The following RABGAP1 variants were observed in gnomAD, a reference collection of about 807,000 sequenced individuals.
RABGAP1 encodes the protein RAB GTPase activating protein 1, also known as rab GTPase-activating protein 1.
RABGAP1 carries 23 observed loss-of-function variants against 137.6 expected under a neutral mutation model. The observed-to-expected ratio is 0.17, with a 90% confidence interval of 0.12 to 0.24. The LOEUF (loss-of-function observed/expected upper bound fraction) is 0.24. Among genes scored for constraint, RABGAP1 ranks in the 10% least tolerant of loss-of-function variants. The probability of loss-of-function intolerance (pLI) is 1.00; values close to 1 mark genes in which losing one functional copy is unlikely to be tolerated. For missense variants in RABGAP1, 906 were observed against 1,275.8 expected, an observed-to-expected ratio of 0.71 and a Z score of 4.42; for synonymous variants, 451 against 450.7, an observed-to-expected ratio of 1.00 and a Z score of -0.01.
intron 1 of RABGAP1, among the ~76,000 whole-genome samples, chr9:122,950,536 C>A (rs757097771): frequency 2.0e-5 from 3 of 151,484 alleles, no homozygotes; most frequent in Non-Finnish European, 2.9e-5. Flanking sequence ...ATAGTAGAGC[C>A]CTGCTGTGTA....
At chr9:123,080,778 GT>G (rs1402213550) in intron 19 of RABGAP1, among the ~76,000 whole-genome samples, 10 of 152,104 alleles carry the variant, frequency 6.6e-5, no homozygotes, top group Non-Finnish European at 7.4e-5. Flanking sequence ...ATTTACAAAG[GT>G]AACTTTTGCT....
At chr9:122,997,060 A>G (rs1837059393) in intron 8 of RABGAP1, 199 bp from the exon 9 acceptor site, 9 of 585,756 alleles carry the variant, frequency 1.5e-5, no homozygotes, top group Middle Eastern at 2.6e-4. Flanking sequence ...TGATATTCGT[A>G]AGCATATACA....
intron 6 of RABGAP1, among the ~76,000 whole-genome samples, chr9:122,993,170 C>G (rs1452979244): frequency 6.6e-6 from 1 of 152,032 alleles, no homozygotes; most frequent in Non-Finnish European, 1.5e-5. Context: ...TTGTGTATAA[C>G]ACAAGATTTA....
intron 10 of RABGAP1, among the ~76,000 whole-genome samples, chr9:123,005,071 A>AC (rs1435968501): frequency 6.6e-6 from 1 of 151,616 alleles, no homozygotes; most frequent in Non-Finnish European, 1.5e-5. Flanking sequence ...AAAAAAAAAA[A>AC]AAAAAACTAA....
At chr9:123,101,002 T>C (rs1258345575) in intron 24 of RABGAP1, among the ~76,000 whole-genome samples, 1 of 152,230 alleles carries the variant, frequency 6.6e-6, no homozygotes, top group Non-Finnish European at 1.5e-5. Flanking sequence ...TGGCAGAATG[T>C]TTTCTTAGAG....
chr9:122,989,312 G>C lies in RABGAP1; in HGVS notation c.606G>C (p.Gln202His), dbSNP rs1459194981. 2 of 1,613,126 alleles carry C rather than the reference G, an allele frequency of 1.2e-6. No homozygotes were observed. Among genetic ancestry groups the C allele is most frequent in the African/African-American group, 2.7e-5 (2 of 74,896 alleles). ...CTCTGAACAGACTCTTAGATCCTCA[G>C]ACAAACACTGAAATAGCAAACTACC... Reference protein sequence around the residue: ...SEGIVRLLDPQTNTEIANYPI... With the variant: ...SEGIVRLLDPHTNTEIANYPI... Residue 202 changes from glutamine (Q) to histidine (H), a missense_variant, in exon 5 of 26, where the codon CAG (glutamine) becomes CAC (histidine). Physicochemically the swap from Gln to His is conservative, Grantham distance 24. Around this residue, in one of 9 missense-constraint regions of RABGAP1, gnomAD observed 331 missense variants for 358.3 expected, o/e 0.92. Transcript: ENST00000373647.
intron 13 of RABGAP1, among the ~76,000 whole-genome samples, chr9:123,052,971 G>A (rs924909800): frequency 1.3e-5 from 2 of 151,986 alleles, no homozygotes; most frequent in African/African-American, 4.8e-5. Context: ...AAAAAACTTT[G>A]CATACAGAGT....
intron 19 of RABGAP1, among the ~76,000 whole-genome samples, chr9:123,085,869 A>G (rs150565751): frequency 1.3e-3 from 196 of 152,364 alleles, no homozygotes; most frequent in African/African-American, 4.3e-3. Flanking sequence ...GTGCTTAACT[A>G]TTGGTTAAAT....
intron 10 of RABGAP1, among the ~76,000 whole-genome samples, chr9:123,003,780 C>CT (rs2029943302): frequency 2.0e-5 from 3 of 152,134 alleles, no homozygotes; most frequent in African/African-American, 7.2e-5. Context: ...ATACTACTTA[C>CT]TGAAAGAGCA....
chr9:123,094,840 G>C lies in RABGAP1; in HGVS notation c.2629-2901G>C, dbSNP rs138742978. Among the ~76,000 whole-genome samples the C allele has an allele frequency of 1.8e-4, 28 of 152,028 alleles. No individual in the cohort carries two copies. The East Asian group carries it at 5.0e-3, about 27-fold the overall frequency. On this transcript the variant is annotated intron_variant, in intron 21 of 25. Coordinates refer to ENST00000373647, the MANE Select transcript of RABGAP1 (RefSeq NM_012197.4). ...AGCTATGCAAATTTTCTAATTTTTC[G>C]TGTGTCTGTTGTTATAATTTGTGTC...
intron 3 of RABGAP1, 106 bp from the exon 4 acceptor site, chr9:122,986,109 A>T (rs1193830925): frequency 1.0e-6 from 1 of 997,426 alleles, no homozygotes; most frequent in East Asian, 2.5e-5. Flanking sequence ...TCTCATTAAT[A>T]CTTAATTTTA....
chr9:123,029,500 C>T, intron 13 of RABGAP1: 4 of 1,009,936 alleles, frequency 4.0e-6, no homozygotes, highest in Non-Finnish European at 6.3e-6. Flanking sequence ...GAAGGGCTGC[C>T]CTGGCCAGGG....
intron 6 of RABGAP1, among the ~76,000 whole-genome samples, chr9:122,991,667 A>G (rs1836730900): frequency 6.6e-6 from 1 of 151,640 alleles, no homozygotes; most frequent in Non-Finnish European, 1.5e-5. Flanking sequence ...CAATGGTACA[A>G]ACATGACTCA....
intron 13 of RABGAP1, among the ~76,000 whole-genome samples, chr9:123,055,873 C>G (rs944636238): frequency 2.0e-5 from 3 of 152,060 alleles, no homozygotes; most frequent in Non-Finnish European, 2.9e-5. Context: ...CTTATATAAC[C>G]CAGTTTATTT....
intron 2 of RABGAP1, among the ~76,000 whole-genome samples, chr9:122,960,414 G>C (rs1475122999): frequency 6.6e-6 from 1 of 152,160 alleles, no homozygotes; most frequent in Non-Finnish European, 1.5e-5. Context: ...CTCATCCCAA[G>C]GTGACAGTGA....
At chr9:123,043,515 AGAAAG>A (rs1169580383) in intron 13 of RABGAP1, among the ~76,000 whole-genome samples, 1 of 152,202 alleles carries the variant, frequency 6.6e-6, no homozygotes, top group Non-Finnish European at 1.5e-5. Flanking sequence ...AGAAAATTGA[AGAAAG>A]GAAATAAGAT....
chr9:123,052,643 A>C (rs1468149010), intron 13 of RABGAP1, among the ~76,000 whole-genome samples: 3 of 152,218 alleles, frequency 2.0e-5, no homozygotes, highest in African/African-American at 7.2e-5. Flanking sequence ...AAAACTTTGC[A>C]TACAGGCTGG....
intron 2 of RABGAP1, among the ~76,000 whole-genome samples, chr9:122,974,590 T>C (rs1290184477): frequency 6.6e-6 from 1 of 152,056 alleles, no homozygotes; most frequent in Non-Finnish European, 1.5e-5. Context: ...CCAGGAGTTC[T>C]AGACCAGCCT....
intron 1 of RABGAP1, among the ~76,000 whole-genome samples, chr9:122,944,526 C>CT (rs1191268726): frequency 2.3e-4 from 34 of 149,258 alleles, no homozygotes; most frequent in East Asian, 5.9e-4. Flanking sequence ...TTGTTTGTTT[C>CT]TTTTTTTTTT....
Sources: gnomAD v4.1 joint callset for allele counts (sites outside exome capture counted in the v4.1 genomes callset) on GRCh38, gnomAD v4.1.1 for gene constraint, gnomAD v4.1.1 regional missense constraint, MANE v1.5 for transcripts, NCBI Gene and HGNC (gene_info 2026-07-23, HGNC 2026-07-21) for gene names.